Variants in BARX2 observed in about 807,000 individuals in gnomAD.
BARX2 encodes BARX homeobox 2, also known as homeobox protein BarH-like 2.
In BARX2, 11 loss-of-function variants were observed where a neutral mutation model predicts 25.5. The ratio of observed to expected loss-of-function variants is 0.43; its 90% CI spans 0.27 to 0.71. The LOEUF (loss-of-function observed/expected upper bound fraction) is 0.71, where lower values mean the gene tolerates loss of function less well. Among genes scored for constraint, BARX2 ranks in the 30% least tolerant of loss-of-function variants. BARX2 has a pLI of 0.19. For synonymous variants in BARX2, 137 were observed against 149.5 expected (o/e 0.92, Z 0.61); for missense variants, 360 against 359.9 (o/e 1.00, Z 0.00).
intron 1 of BARX2, among the ~76,000 whole-genome samples, chr11:129,404,864 G>T (rs1433077550): frequency 6.6e-6 from 1 of 152,108 alleles, no homozygotes; most frequent in African/African-American, 2.4e-5. Flanking sequence ...CTGTTTAGGG[G>T]GCTCTTTGAT....
rs61732044 is a variant in BARX2, at chr11:129,437,028, G to A, written c.465G>A (p.Gln155=). The A allele has an allele frequency of 1.3e-3, 1,998 of 1,587,062 alleles. 22 individuals carry two copies. In the African/African-American group the frequency reaches 0.024, roughly 19 times the overall value. The change falls in exon 2 of 4, where the codon CAG becomes CAA. Residue 155 remains glutamine, a synonymous_variant. Transcript: ENST00000281437. Reference sequence around the variant, plus strand: ...GCCTGGAGAAGAAATTCCAGAAGCAGAAGTATTTGTCAACCCCAGACAGGT... The same window carrying A: ...GCCTGGAGAAGAAATTCCAGAAGCAAAAGTATTTGTCAACCCCAGACAGGT... ...LMGLEKKFQK[Q]KYLSTPDRLD... is the part of the protein sequence containing the mutation.
At chr11:129,380,388 G>A (rs894412618) in intron 1 of BARX2, among the ~76,000 whole-genome samples, 5 of 152,008 alleles carry the variant, frequency 3.3e-5, no homozygotes, top group South Asian at 4.2e-4. Context: ...AATTAAATGC[G>A]GTGCAGGTAT....
chr11:129,417,509 A>G (rs563850399), intron 1 of BARX2, among the ~76,000 whole-genome samples: 1 of 152,362 alleles, frequency 6.6e-6, no homozygotes, highest in East Asian at 1.9e-4. Context: ...GCGTGCCTGC[A>G]GGGCAAACTG....
chr11:129,429,426 G>A (rs199501508), intron 1 of BARX2, among the ~76,000 whole-genome samples: 2 of 152,118 alleles, frequency 1.3e-5, no homozygotes, highest in East Asian at 3.9e-4. Flanking sequence ...TTGGGAGGCT[G>A]AGACAGGAGG....
intron 3 of BARX2, among the ~76,000 whole-genome samples, chr11:129,448,122 TCTTA>T (rs889435954): frequency 6.6e-6 from 1 of 152,198 alleles, no homozygotes; most frequent in Non-Finnish European, 1.5e-5. Context: ...TTCTTGGTTT[TCTTA>T]CTTCATACTC....
At chr11:129,449,781 T>C (rs903006772) in intron 3 of BARX2, among the ~76,000 whole-genome samples, 2 of 152,140 alleles carry the variant, frequency 1.3e-5, no homozygotes, top group African/African-American at 4.8e-5. Context: ...AAACACCTGC[T>C]ATGTGCAGGG....
At chr11:129,445,354 G>A (rs551964690) in intron 3 of BARX2, among the ~76,000 whole-genome samples, 41 of 152,370 alleles carry the variant, frequency 2.7e-4, no homozygotes, top group Non-Finnish European at 5.1e-4. Flanking sequence ...TCGTGAGTCA[G>A]ATGATTAAGG....
intron 2 of BARX2, chr11:129,437,342 G>A: frequency 1.5e-6 from 1 of 665,734 alleles, no homozygotes; most frequent in Non-Finnish European, 2.0e-6. Flanking sequence ...GCAAATGGTT[G>A]CTCAGGCGGT....
intron 1 of BARX2, among the ~76,000 whole-genome samples, chr11:129,377,295 T>C (rs1481229084): frequency 6.6e-6 from 1 of 152,242 alleles, no homozygotes; most frequent in Non-Finnish European, 1.5e-5. Flanking sequence ...TAATGCTCAA[T>C]GCGTGGAATC....
At chr11:129,409,995 T>C (rs1187853973) in intron 1 of BARX2, among the ~76,000 whole-genome samples, 2 of 152,228 alleles carry the variant, frequency 1.3e-5, no homozygotes, top group African/African-American at 4.8e-5. Flanking sequence ...TCTTAGAACC[T>C]TGACTTAACT....
intron 3 of BARX2, among the ~76,000 whole-genome samples, chr11:129,444,294 A>C (rs1862298603): frequency 6.6e-6 from 1 of 152,212 alleles, no homozygotes; most frequent in African/African-American, 2.4e-5. Context: ...AAAAGTCAAC[A>C]AGCAGCAATT....
intron 3 of BARX2, among the ~76,000 whole-genome samples, chr11:129,446,342 C>T (rs1470559382): frequency 6.6e-6 from 1 of 152,058 alleles, no homozygotes; most frequent in Non-Finnish European, 1.5e-5. Context: ...ATGAAAAGTC[C>T]CCAAATAGTT....
chr11:129,420,511 G>GA (rs1861992709), intron 1 of BARX2, among the ~76,000 whole-genome samples: 1 of 152,142 alleles, frequency 6.6e-6, no homozygotes, highest in African/African-American at 2.4e-5. Context: ...GACTGGATTA[G>GA]AAAAAATAAT....
rs957706481 is a variant in BARX2 at position 129,441,865 on chromosome 11, T to C, written c.489-970T>C. ...CTCTTATCTGTAAAATGGGAACAATTACACTGCTTCACTGCGTTGTGAATG... is the reference window on the plus strand; with the variant it reads ...CTCTTATCTGTAAAATGGGAACAATCACACTGCTTCACTGCGTTGTGAATG... On this transcript the variant is annotated intron_variant, in intron 2 of 3. Coordinates refer to ENST00000281437, the MANE Select transcript of BARX2 (RefSeq NM_003658.5). 2.0e-5 allele frequency among the ~76,000 whole-genome samples: 3 copies of C among 152,194 alleles called. No homozygotes were observed. In the South Asian group the frequency reaches 6.2e-4, roughly 32 times the overall value.
intron 1 of BARX2, among the ~76,000 whole-genome samples, chr11:129,393,653 A>G (rs531421568): frequency 6.6e-6 from 1 of 152,274 alleles, no homozygotes; most frequent in African/African-American, 2.4e-5. Context: ...CTTAGGAACT[A>G]TTCCAGAATG....
intron 1 of BARX2, among the ~76,000 whole-genome samples, chr11:129,379,456 G>C (rs1345339005): frequency 6.6e-6 from 1 of 152,094 alleles, no homozygotes; most frequent in Non-Finnish European, 1.5e-5. Flanking sequence ...TCATTACAAA[G>C]GCCAAAAGAG....
At chr11:129,429,646 C>T (rs959998840) in intron 1 of BARX2, among the ~76,000 whole-genome samples, 1 of 152,100 alleles carries the variant, frequency 6.6e-6, no homozygotes, top group Non-Finnish European at 1.5e-5. Flanking sequence ...TAAAACCCCA[C>T]AATCATTAAA....
At chr11:129,412,474 G>A (rs1861900258) in intron 1 of BARX2, among the ~76,000 whole-genome samples, 1 of 152,194 alleles carries the variant, frequency 6.6e-6, no homozygotes, top group Non-Finnish European at 1.5e-5. Context: ...AACGATTATT[G>A]AAACAGCAGT....
In BARX2 at chr11:129,402,515, A is replaced by C. The variant is rs1233080835; in HGVS notation, c.187+26293A>C. Among the ~76,000 whole-genome samples the C allele has an allele frequency of 2.0e-5, 3 of 152,158 alleles. 1 individual carries two copies. Among genetic ancestry groups the C allele is most frequent in the Non-Finnish European group, 4.4e-5 (3 of 68,030 alleles). ...GCAGGCCGTTTAATATTCAAATGTC[A>C]CTGTTTCCCCATCTGTAAAAAAAAG... On this transcript the variant is annotated intron_variant, in intron 1 of 3. Transcript: ENST00000281437.
Sources: allele counts gnomAD v4.1 joint callset (sites outside exome capture counted in the v4.1 genomes callset), GRCh38; gene constraint gnomAD v4.1.1; transcripts MANE v1.5; gene names NCBI Gene and HGNC (gene_info 2026-07-23, HGNC 2026-07-21).